CLEC16A: variants seen among roughly 807,000 people sequenced by gnomAD.
The protein encoded by CLEC16A is protein CLEC16A.
CLEC16A carries 51 observed loss-of-function variants against 109.5 expected under a neutral mutation model. The ratio of observed to expected loss-of-function variants is 0.47; its 90% CI spans 0.37 to 0.59. The LOEUF (loss-of-function observed/expected upper bound fraction) is 0.59. CLEC16A is among the 20% of genes least tolerant of loss of function. The pLI, the probability that CLEC16A is intolerant of heterozygous loss-of-function variation, is 0.00. For synonymous variants in CLEC16A, 673 were observed against 564.2 expected (o/e 1.19, Z -2.73); for missense variants, 1,339 against 1,394.0 (o/e 0.96, Z 0.63).
intron 16 of CLEC16A, 129 bp downstream of exon 16, chr16:11,044,201 A>G: frequency 1.4e-6 from 1 of 729,416 alleles, no homozygotes. Flanking sequence ...TACTGAATAA[A>G]AATGCTCAAT....
At chr16:11,121,202 C>T (rs769194935) in intron 20 of CLEC16A, among the ~76,000 whole-genome samples, 3 of 152,184 alleles carry the variant, frequency 2.0e-5, no homozygotes, top group Non-Finnish European at 2.9e-5. Context: ...TCTTGGAGAG[C>T]CAGCCACATT....
intron 23 of CLEC16A, among the ~76,000 whole-genome samples, chr16:11,171,511 G>A (rs2140991496): frequency 6.6e-6 from 1 of 152,342 alleles, no homozygotes; most frequent in South Asian, 2.1e-4. Context: ...GAAGTGTCCA[G>A]GAGCCAGGCA....
intron 23 of CLEC16A, among the ~76,000 whole-genome samples, chr16:11,175,895 C>G (rs1018842773): frequency 2.0e-5 from 3 of 152,234 alleles, no homozygotes; most frequent in Non-Finnish European, 2.9e-5. Context: ...CAAATGCAGA[C>G]TTGAGCAAAG....
chr16:11,004,188 G>T (rs1194704707), intron 11 of CLEC16A, among the ~76,000 whole-genome samples: 1 of 152,074 alleles, frequency 6.6e-6, no homozygotes, highest in African/African-American at 2.4e-5. Context: ...TCGTTGAGAT[G>T]CTAAAACCTT....
At chr16:11,073,956 A>G (rs1222198723) in intron 19 of CLEC16A, among the ~76,000 whole-genome samples, 1 of 152,220 alleles carries the variant, frequency 6.6e-6, no homozygotes, top group African/African-American at 2.4e-5. Flanking sequence ...TAGAAAAATG[A>G]TGTTTGTTCA....
chr16:10,970,292 T>A (rs1341244150), intron 4 of CLEC16A, among the ~76,000 whole-genome samples: 2 of 152,222 alleles, frequency 1.3e-5, no homozygotes, highest in African/African-American at 4.8e-5. Context: ...CTTGTGTCCC[T>A]TTTTAACTTC....
intron 10 of CLEC16A, among the ~76,000 whole-genome samples, chr16:10,991,406 A>G (rs1359670014): frequency 6.9e-6 from 1 of 144,682 alleles, no homozygotes; most frequent in Non-Finnish European, 1.5e-5. Context: ...CCTGGGCGAC[A>G]GAGCAAGACT....
intron 22 of CLEC16A, among the ~76,000 whole-genome samples, chr16:11,160,033 T>G (rs1038194853): frequency 6.6e-6 from 1 of 152,308 alleles, no homozygotes; most frequent in Non-Finnish European, 1.5e-5. Context: ...CAGAGCCAAC[T>G]GGGTTCCTTC....
intron 22 of CLEC16A, among the ~76,000 whole-genome samples, chr16:11,165,356 G>C (rs868108570): frequency 1.3e-5 from 2 of 152,112 alleles, no homozygotes; most frequent in African/African-American, 4.8e-5. Context: ...TTTGGGTATG[G>C]TGGCATATCC....
chr16:11,103,119 T>G (rs2051017104), intron 19 of CLEC16A, among the ~76,000 whole-genome samples: 1 of 152,126 alleles, frequency 6.6e-6, no homozygotes, highest in African/African-American at 2.4e-5. Context: ...GTGAAGAGCC[T>G]CAAACCCCAG....
At chr16:11,035,332 ATCT>A (rs1320245394) in intron 13 of CLEC16A, among the ~76,000 whole-genome samples, 1 of 152,170 alleles carries the variant, frequency 6.6e-6, no homozygotes, top group Non-Finnish European at 1.5e-5. Flanking sequence ...GATTTGTCTA[ATCT>A]TCTGCCCGAA....
intron 19 of CLEC16A, among the ~76,000 whole-genome samples, chr16:11,080,208 C>A (rs935834120): frequency 6.6e-6 from 1 of 152,208 alleles, no homozygotes; most frequent in Non-Finnish European, 1.5e-5. Context: ...ACCAGAAACA[C>A]AAGGACAGGA....
At chr16:11,168,170 T>G (rs1314487256) in intron 23 of CLEC16A, among the ~76,000 whole-genome samples, 3 of 152,216 alleles carry the variant, frequency 2.0e-5, no homozygotes, top group African/African-American at 7.2e-5. Flanking sequence ...GATGTCTACC[T>G]GAATGTGACC....
At chr16:11,079,740 C>G (rs1382607286) in intron 19 of CLEC16A, among the ~76,000 whole-genome samples, 1 of 152,190 alleles carries the variant, frequency 6.6e-6, no homozygotes, top group East Asian at 1.9e-4. Flanking sequence ...TAACCTTTAG[C>G]CTTTAACTGG....
chr16:11,013,068 A>G (rs1017539673), intron 11 of CLEC16A, among the ~76,000 whole-genome samples: 1 of 152,150 alleles, frequency 6.6e-6, no homozygotes, highest in African/African-American at 2.4e-5. Context: ...GGAACTTAAC[A>G]TGTACATCTC....
chr16:11,172,831 G>A (rs548141543), intron 23 of CLEC16A, among the ~76,000 whole-genome samples: 2 of 152,218 alleles, frequency 1.3e-5, no homozygotes, highest in Non-Finnish European at 1.5e-5. Context: ...AGAGGTTGCA[G>A]TGAGCCGAGA....
chr16:11,125,354 T>A (rs937141689), intron 21 of CLEC16A, among the ~76,000 whole-genome samples: 1 of 152,068 alleles, frequency 6.6e-6, no homozygotes, highest in Admixed American at 6.5e-5. Flanking sequence ...GAAGGCCAAA[T>A]ACTTCATTTG....
chr16:10,969,016 G>C (rs2042650753), intron 3 of CLEC16A, 145 bp from the exon 4 acceptor site: 7 of 615,090 alleles, frequency 1.1e-5, no homozygotes, highest in Non-Finnish European at 1.6e-5. Flanking sequence ...CTGGTTAAAA[G>C]TTAAGCTCTT....
At chr16:11,133,759 C>G (rs1321119739) in intron 22 of CLEC16A, among the ~76,000 whole-genome samples, 2 of 150,626 alleles carry the variant, frequency 1.3e-5, no homozygotes, top group Non-Finnish European at 3.0e-5. Flanking sequence ...GGAGCCAGTT[C>G]TCTCCTTGTA....
Sources: gnomAD v4.1 joint callset for allele counts (sites outside exome capture counted in the v4.1 genomes callset) on GRCh38, gnomAD v4.1.1 for gene constraint, MANE v1.5 for transcripts, NCBI Gene and HGNC (gene_info 2026-07-23, HGNC 2026-07-21) for gene names.